The following HMCES variants were observed in gnomAD, a reference collection of about 807,000 sequenced individuals.
HMCES encodes the protein 5-hydroxymethylcytosine binding, ES cell specific.
HMCES carries 27 observed loss-of-function variants against 35.1 expected under a neutral mutation model. The observed-to-expected ratio is 0.77, with a 90% CI of 0.57 to 1.06. The LOEUF (loss-of-function observed/expected upper bound fraction) is 1.06, where lower values mean the gene tolerates loss of function less well. Among genes scored for constraint, HMCES ranks in the 50% least tolerant of loss-of-function variants. The pLI is 0.00. For missense variants in HMCES, 391 were observed against 430.4 expected, an observed-to-expected ratio of 0.91 and a Z score of 0.81; for synonymous variants, 130 against 154.7, an observed-to-expected ratio of 0.84 and a Z score of 1.18.
intron 2 of HMCES, among the ~76,000 whole-genome samples, chr3:129,288,168 G>A (rs2107689045): frequency 6.6e-6 from 1 of 152,294 alleles, no homozygotes; most frequent in South Asian, 2.1e-4. Context: ...CCAGCTACTT[G>A]GGAGGCTGAA....
intron 4 of HMCES, among the ~76,000 whole-genome samples, chr3:129,296,966 C>T (rs1330271490): frequency 6.6e-6 from 1 of 152,152 alleles, no homozygotes; most frequent in African/African-American, 2.4e-5. Flanking sequence ...TCTCGATCTC[C>T]TGACCTCGTG....
intron 4 of HMCES, among the ~76,000 whole-genome samples, chr3:129,291,363 A>T (rs2071013518): frequency 6.6e-6 from 1 of 152,228 alleles, no homozygotes; most frequent in Non-Finnish European, 1.5e-5. Flanking sequence ...AGGAAACTAC[A>T]TATCCATTAG....
At chr3:129,284,192 G>A (rs1460665835) in intron 2 of HMCES, among the ~76,000 whole-genome samples, 2 of 152,146 alleles carry the variant, frequency 1.3e-5, no homozygotes, top group Non-Finnish European at 2.9e-5. Context: ...CATCTCTTAC[G>A]TTATAAACAA....
intron 2 of HMCES, 148 bp from the exon 3 acceptor site, chr3:129,288,706 A>T (rs1940709354): frequency 2.8e-6 from 2 of 704,882 alleles, no homozygotes; most frequent in South Asian, 8.9e-5. Flanking sequence ...AAAAAAAATA[A>T]AAAAATTGTT....
intron 2 of HMCES, among the ~76,000 whole-genome samples, chr3:129,286,402 T>C (rs954451949): frequency 2.6e-5 from 4 of 152,192 alleles, no homozygotes; most frequent in African/African-American, 9.6e-5. Context: ...TAATCCCAGC[T>C]TTCAGAACTA....
In HMCES at chr3:129,279,940, C is replaced by G; in HGVS notation, c.183+25C>G. 6.6e-7 allele frequency: 1 copy of G among 1,517,574 alleles called. No homozygotes were observed. 94.0% of individuals were successfully genotyped at this position (1,517,574 alleles called of 1,614,324 possible). A position where few individuals can be genotyped will look rare whatever the true frequency, so the allele number is the denominator to read the frequency against. On this transcript the variant is annotated intron_variant, in intron 2 of 6. Coordinates refer to ENST00000383463, the MANE Select transcript of HMCES (RefSeq NM_020187.3). This position sits in a 1 kb window ranked among gnomAD's most constrained non-coding sequence, Gnocchi z 4.2. ...GGTAACCAGCATTGCACTATGCTAG[C>G]CCCTCGCCCAGCCTCGTGATGGTCA...
At chr3:129,304,409 T>C (rs2071209536) in intron 6 of HMCES, among the ~76,000 whole-genome samples, 180 bp from the exon 7 acceptor site, 1 of 152,208 alleles carries the variant, frequency 6.6e-6, no homozygotes, top group African/African-American at 2.4e-5. Flanking sequence ...TCTACTTTCC[T>C]GCCCCTTAGA....
rs755882126 is a variant in HMCES at position 129,304,704 on chromosome 3, C to G, written c.944C>G (p.Ser315Cys). Residue 315 changes from serine to cysteine, a missense_variant, in exon 7 of 7, where the codon TCC (serine) becomes TGC (cysteine). Ser to Cys is a moderately radical substitution (Grantham distance 112). Coordinates refer to ENST00000383463, the MANE Select transcript of HMCES (RefSeq NM_020187.3). ...QKEESDVPQW[S>C]SQFLQKSPLP... The stretch of plus-strand genomic sequence containing the variant: ...GAAGAGTCAGATGTTCCCCAGTGGT[C>G]CAGTCAGTTCCTGCAGAAGAGTCCA... The G allele has an allele frequency of 1.9e-6, 3 of 1,613,990 alleles. No individual in the cohort carries two copies. In the African/African-American group the frequency reaches 4.0e-5, roughly 22 times the overall value.
At chr3:129,284,581 A>G (rs1940584130) in intron 2 of HMCES, among the ~76,000 whole-genome samples, 1 of 152,190 alleles carries the variant, frequency 6.6e-6, no homozygotes, top group Non-Finnish European at 1.5e-5. Flanking sequence ...CTGCAAATAA[A>G]GGGAATCAAC....
At chr3:129,299,690 C>T (rs1452403074) in intron 5 of HMCES, among the ~76,000 whole-genome samples, 9 of 131,572 alleles carry the variant, frequency 6.8e-5, no homozygotes, top group South Asian at 4.9e-4. Flanking sequence ...CTCACTCTGT[C>T]GCCCAGGCTG....
chr3:129,298,327 T>C (rs1239599203), intron 4 of HMCES, 27 bp from the exon 5 acceptor site: 7 of 1,610,570 alleles, frequency 4.3e-6, no homozygotes, highest in Non-Finnish European at 5.9e-6. Flanking sequence ...TGAGTGCATC[T>C]AATCTGCCCA....
chr3:129,290,895 T>G, intron 4 of HMCES, 91 bp downstream of exon 4: 1 of 1,299,250 alleles, frequency 7.7e-7, no homozygotes, highest in South Asian at 1.3e-5. Context: ...CATAGTTTTA[T>G]TTATTTATTT....
chr3:129,284,605 A>G (rs902660556), intron 2 of HMCES, among the ~76,000 whole-genome samples: 2 of 152,202 alleles, frequency 1.3e-5, no homozygotes, highest in Non-Finnish European at 2.9e-5. Context: ...TTGTGTGTAT[A>G]TATATGAAAA....
chr3:129,289,375 T>C, intron 3 of HMCES, among the ~76,000 whole-genome samples: 1 of 152,166 alleles, frequency 6.6e-6, no homozygotes, highest in East Asian at 1.9e-4. Context: ...TATGCCTAGC[T>C]CGAGGGTGTC....
At chr3:129,301,079 C>G (rs1477290083) in intron 5 of HMCES, among the ~76,000 whole-genome samples, 1 of 149,288 alleles carries the variant, frequency 6.7e-6, no homozygotes, top group Non-Finnish European at 1.5e-5. Context: ...GTAGTCCCAG[C>G]TACTCAGGAG....
intron 2 of HMCES, among the ~76,000 whole-genome samples, chr3:129,284,074 C>T (rs1345712789): frequency 6.6e-6 from 1 of 152,222 alleles, no homozygotes; most frequent in African/African-American, 2.4e-5. Flanking sequence ...TAAATTCATA[C>T]TCACTTTGCT....
At chr3:129,291,106 G>T (rs1004839783) in intron 4 of HMCES, among the ~76,000 whole-genome samples, 27 of 152,216 alleles carry the variant, frequency 1.8e-4, no homozygotes, top group African/African-American at 6.5e-4. Context: ...GAAGGCTGAG[G>T]TGGGAGGATC....
intron 2 of HMCES, among the ~76,000 whole-genome samples, chr3:129,284,899 G>A (rs575728799): frequency 6.6e-6 from 1 of 152,294 alleles, no homozygotes; most frequent in East Asian, 1.9e-4. Context: ...GCAACAGAGC[G>A]AGACTCCATC....
At chr3:129,294,598 A>G (rs2107693601) in intron 4 of HMCES, among the ~76,000 whole-genome samples, 1 of 152,322 alleles carries the variant, frequency 6.6e-6, no homozygotes, top group Non-Finnish European at 1.5e-5. Flanking sequence ...TTATTTTTAC[A>G]TATACTATAA....
Sources: allele counts gnomAD v4.1 joint callset (sites outside exome capture counted in the v4.1 genomes callset), GRCh38; gene constraint gnomAD v4.1.1; non-coding constraint Gnocchi (gnomAD v3.1); transcripts MANE v1.5; gene names NCBI Gene and HGNC (gene_info 2026-07-23, HGNC 2026-07-21).